The following LINGO2 variants were observed in gnomAD, a reference collection of about 807,000 sequenced individuals.
The protein encoded by LINGO2 is leucine rich repeat and Ig domain containing 2.
LINGO2 carries 14 observed loss-of-function variants against 30.6 expected under a neutral mutation model. The ratio of observed to expected loss-of-function variants is 0.46; its 90% CI spans 0.30 to 0.72. LINGO2 has a LOEUF of 0.72. LINGO2 is among the 30% of genes least tolerant of loss of function. The pLI is 0.07. For missense variants in LINGO2, 729 were observed against 751.7 expected, an observed-to-expected ratio of 0.97 and a Z score of 0.35; for synonymous variants, 317 against 288.5, an observed-to-expected ratio of 1.10 and a Z score of -1.00.
At chr9:29,097,365 AT>A in the LINGO2 span, among the ~76,000 whole-genome samples, 2 of 138,462 alleles carry the variant, frequency 1.4e-5, 1 homozygote, top group Admixed American at 1.5e-4. Flanking sequence ...ATTTTAATGT[AT>A]TTTAGCTCCT....
chr9:29,211,207 C>T, the LINGO2 span, among the ~76,000 whole-genome samples: 1 of 152,172 alleles, frequency 6.6e-6, no homozygotes, highest in Non-Finnish European at 1.5e-5. Context: ...AAACACAGCA[C>T]AGCACGCTGA....
chr9:29,170,225 TA>T, the LINGO2 span, among the ~76,000 whole-genome samples: 7 of 152,040 alleles, frequency 4.6e-5, no homozygotes, highest in African/African-American at 1.7e-4. Context: ...GGACTGGATT[TA>T]AAAATGTTGT....
intron 5 of LINGO2, among the ~76,000 whole-genome samples, chr9:27,978,475 T>C (rs746738281): frequency 6.6e-6 from 1 of 151,986 alleles, no homozygotes; most frequent in Non-Finnish European, 1.5e-5. Flanking sequence ...ATGGGTTTAT[T>C]AGTGCCCTTA....
At chr9:28,899,182 GC>G in the LINGO2 span, among the ~76,000 whole-genome samples, 1 of 152,162 alleles carries the variant, frequency 6.6e-6, no homozygotes, top group South Asian at 2.1e-4. Flanking sequence ...CACCCACATT[GC>G]CCCGTCCCCA....
intron 5 of LINGO2, among the ~76,000 whole-genome samples, chr9:27,961,429 G>C (rs143420912): frequency 9.9e-5 from 15 of 152,270 alleles, no homozygotes; most frequent in African/African-American, 3.6e-4. Flanking sequence ...ATAGCGAATA[G>C]TGTTTGCAAA....
At chr9:28,321,338 A>G (rs1825034846) in intron 3 of LINGO2, among the ~76,000 whole-genome samples, 1 of 152,140 alleles carries the variant, frequency 6.6e-6, no homozygotes, top group Non-Finnish European at 1.5e-5. Flanking sequence ...AAGATATAAC[A>G]TGTTAGAGGC....
intron 1 of LINGO2, among the ~76,000 whole-genome samples, chr9:28,633,303 A>T (rs1299908556): frequency 6.6e-6 from 1 of 152,118 alleles, no homozygotes; most frequent in Non-Finnish European, 1.5e-5. Context: ...ATTAACTATC[A>T]CAGAAGGGGA....
At chr9:28,018,869 A>T (rs567636875) in intron 4 of LINGO2, among the ~76,000 whole-genome samples, 2 of 152,316 alleles carry the variant, frequency 1.3e-5, no homozygotes, top group Admixed American at 1.3e-4. Context: ...AAATTACTAT[A>T]TACAGATACA....
intron 1 of LINGO2, among the ~76,000 whole-genome samples, chr9:28,536,602 A>G (rs1821447428): frequency 6.6e-6 from 1 of 152,098 alleles, no homozygotes; most frequent in Non-Finnish European, 1.5e-5. Flanking sequence ...AATAATTGAC[A>G]TTGCCTTAAC....
chr9:28,322,438 TACACACACACAC>T (rs61397051), intron 3 of LINGO2, among the ~76,000 whole-genome samples: 1,550 of 150,552 alleles, frequency 0.01, 14 homozygotes, highest in African/African-American at 0.018. Context: ...AGGCACTCAG[TACACACACACAC>T]ACACACACAC....
chr9:28,980,217 G>A, the LINGO2 span, among the ~76,000 whole-genome samples: 5 of 151,944 alleles, frequency 3.3e-5, no homozygotes, highest in Non-Finnish European at 7.4e-5. Flanking sequence ...CTTCTCTCCA[G>A]CTTCATAATG....
intron 1 of LINGO2, among the ~76,000 whole-genome samples, chr9:28,482,710 T>A (rs1199919892): frequency 1.3e-5 from 2 of 152,132 alleles, no homozygotes; most frequent in African/African-American, 4.8e-5. Flanking sequence ...AACTATCTGA[T>A]CTTTGGCAAA....
chr9:28,717,248 T>A, the LINGO2 span, among the ~76,000 whole-genome samples: 41,796 of 150,926 alleles, frequency 0.28, 5,940 homozygotes, highest in Admixed American at 0.39. Context: ...CATCAGCTGC[T>A]TAAAGAGGCC....
At chr9:28,369,802 G>C (rs1820826380) in intron 3 of LINGO2, among the ~76,000 whole-genome samples, 1 of 152,194 alleles carries the variant, frequency 6.6e-6, no homozygotes, top group African/African-American at 2.4e-5. Flanking sequence ...TTTGTGAAAA[G>C]AGTTGCCGTG....
the LINGO2 span, among the ~76,000 whole-genome samples, chr9:28,787,038 A>T: frequency 2.0e-5 from 3 of 152,124 alleles, no homozygotes; most frequent in Non-Finnish European, 4.4e-5. Context: ...TCTAGGGGTA[A>T]CATGTTTGTG....
intron 2 of LINGO2, among the ~76,000 whole-genome samples, chr9:28,408,676 C>G (rs6476066): frequency 0.79 from 114,446 of 144,228 alleles, 45,834 homozygotes; most frequent in Non-Finnish European, 0.84. Context: ...GCTAAATGAC[C>G]AGTTAATGGG....
At chr9:28,591,951 G>C (rs1468523451) in intron 1 of LINGO2, among the ~76,000 whole-genome samples, 1 of 151,952 alleles carries the variant, frequency 6.6e-6, no homozygotes, top group African/African-American at 2.4e-5. Context: ...ATCACAATGG[G>C]CAGAAGCCAG....
At chr9:28,698,450 C>A in the LINGO2 span, among the ~76,000 whole-genome samples, 1 of 151,952 alleles carries the variant, frequency 6.6e-6, no homozygotes, top group Non-Finnish European at 1.5e-5. Flanking sequence ...GTAATATCTC[C>A]AAACGTCTGA....
At chr9:28,334,246 GA>G (rs1236222136) in intron 3 of LINGO2, among the ~76,000 whole-genome samples, 1 of 151,898 alleles carries the variant, frequency 6.6e-6, no homozygotes, top group Non-Finnish European at 1.5e-5. Flanking sequence ...GATACATGAG[GA>G]AAAAAGGTAC....
Sources: allele counts gnomAD v4.1 joint callset (sites outside exome capture counted in the v4.1 genomes callset), GRCh38; gene constraint gnomAD v4.1.1; transcripts MANE v1.5; gene names NCBI Gene and HGNC (gene_info 2026-07-23, HGNC 2026-07-21).